Variants in FAM110B observed in about 807,000 individuals in gnomAD.
The protein encoded by FAM110B is protein FAM110B.
A neutral mutation model predicts 20.4 loss-of-function variants in FAM110B; 6 were observed. The ratio of observed to expected loss-of-function variants is 0.29; its 90% CI spans 0.16 to 0.58. The LOEUF is 0.58. Among genes scored for constraint, FAM110B ranks in the 20% least tolerant of loss-of-function variants. The pLI is 0.90. For synonymous variants in FAM110B, 226 were observed against 214.1 expected, an observed-to-expected ratio of 1.06 and a Z score of -0.49; for missense variants, 434 against 498.2, an observed-to-expected ratio of 0.87 and a Z score of 1.23.
At chr8:58,080,351 T>C (rs1358455789) in intron 3 of FAM110B, among the ~76,000 whole-genome samples, 1 of 152,188 alleles carries the variant, frequency 6.6e-6, no homozygotes, top group East Asian at 1.9e-4. Flanking sequence ...ATGAAAATCT[T>C]CAATCAGCTA....
rs73250488 is a variant in FAM110B, at chr8:57,996,114, A to T, written c.-512+1308A>T. Among the ~76,000 whole-genome samples the T allele has an allele frequency of 7.6e-3, 1,156 of 152,344 alleles. 12 individuals are homozygous for T. Among genetic ancestry groups the T allele is most frequent in the African/African-American group, 0.026 (1,092 of 41,574 alleles). On this transcript the variant is annotated intron_variant, in intron 1 of 3. Transcript: ENST00000519262. Reference sequence around the variant, plus strand: ...TTCAGGTAAGCTATTTATTAAGCATAGTTATTCTAGAATAAAGGTGAGTTA... The same window carrying T: ...TTCAGGTAAGCTATTTATTAAGCATTGTTATTCTAGAATAAAGGTGAGTTA...
rs1804973997 is a variant in FAM110B at position 58,032,084 on chromosome 8, T to G, written c.-414+381T>G. The G allele has an allele frequency of 2.6e-5, 4 of 152,416 alleles. No homozygotes were observed. In the South Asian group the frequency reaches 8.3e-4, roughly 32 times the overall value. The allele number at this position is 152,416 out of a possible 1,614,324, so 9.4% of individuals were successfully genotyped here. On this transcript the variant is annotated intron_variant, in intron 2 of 3. Coordinates refer to ENST00000519262, the MANE Select transcript of FAM110B (RefSeq NM_001377989.1). Reference sequence around the variant, plus strand: ...GCCATTGGTTTGGCTGAGGCTGATCTCGGCACCTGCCCCACCTTCACTATC... The same window carrying G: ...GCCATTGGTTTGGCTGAGGCTGATCGCGGCACCTGCCCCACCTTCACTATC...
At chr8:58,004,494 C>T (rs914579055) in intron 1 of FAM110B, among the ~76,000 whole-genome samples, 1 of 152,228 alleles carries the variant, frequency 6.6e-6, no homozygotes, top group African/African-American at 2.4e-5. Flanking sequence ...CCTGTAATCC[C>T]AGCACTTTGG....
rs561601007 is a variant in FAM110B, at chr8:58,116,003, T to C, written c.-324-29904T>C. On this transcript the variant is annotated intron_variant, in intron 3 of 3. Transcript: ENST00000519262. ...TGTTTAACAGGATATTTGTAAACTC[T>C]GTGTACCAGGTCCTGTTTTAGGCCC... Among the ~76,000 whole-genome samples, 7 of 152,298 alleles carry C rather than the reference T, an allele frequency of 4.6e-5. No individual in the cohort carries two copies. The South Asian group carries it at 6.2e-4, about 14-fold the overall frequency.
chr8:58,083,071 G>A lies in FAM110B; in HGVS notation c.-325+7448G>A, dbSNP rs138971143. ...GGAATTTAATAGACTGAAGTTTTTTGTACATATGAAGGAAAGTCACTGTAC... is the reference window on the plus strand; with the variant it reads ...GGAATTTAATAGACTGAAGTTTTTTATACATATGAAGGAAAGTCACTGTAC... On this transcript the variant is annotated intron_variant, in intron 3 of 3. Coordinates refer to ENST00000519262, the MANE Select transcript of FAM110B (RefSeq NM_001377989.1). Among the ~76,000 whole-genome samples, 323 of 150,526 alleles carry A rather than the reference G, an allele frequency of 2.1e-3. 1 individual carries two copies. Among genetic ancestry groups the A allele is most frequent in the African/African-American group, 7.7e-3 (316 of 41,062 alleles).
chr8:58,082,848 T>G (rs1311118674), intron 3 of FAM110B, among the ~76,000 whole-genome samples: 2 of 98,480 alleles, frequency 2.0e-5, no homozygotes, highest in African/African-American at 1.8e-4. Context: ...TTTTTTTTTG[T>G]TTTTTTTTTT....
At chr8:58,048,427 C>A (rs553929419) in intron 2 of FAM110B, among the ~76,000 whole-genome samples, 67 of 152,178 alleles carry the variant, frequency 4.4e-4, no homozygotes, top group African/African-American at 1.6e-3. Context: ...CAGGCCCCAA[C>A]CCTCCTGTCT....
intron 1 of FAM110B, among the ~76,000 whole-genome samples, chr8:58,005,396 A>G (rs143680437): frequency 1.3e-5 from 2 of 152,350 alleles, no homozygotes; most frequent in Non-Finnish European, 2.9e-5. Flanking sequence ...TAACAGGTAT[A>G]ATAACGAAAA....
chr8:58,103,619 A>G (rs916889588), intron 3 of FAM110B, among the ~76,000 whole-genome samples: 1 of 152,146 alleles, frequency 6.6e-6, no homozygotes, highest in Non-Finnish European at 1.5e-5. Context: ...CAGGAGGTGT[A>G]AGGTATAATA....
intron 1 of FAM110B, among the ~76,000 whole-genome samples, chr8:58,012,107 A>T (rs1385994773): frequency 6.6e-6 from 1 of 152,250 alleles, no homozygotes; most frequent in African/African-American, 2.4e-5. Context: ...AAGTAATTTG[A>T]TTAGAAAGAT....
At chr8:58,001,842 G>T (rs1804302859) in intron 1 of FAM110B, among the ~76,000 whole-genome samples, 1 of 152,090 alleles carries the variant, frequency 6.6e-6, no homozygotes. Context: ...CAGAGAACCA[G>T]AACCAATAGA....
rs1298994798 is a variant in FAM110B at position 58,092,727 on chromosome 8, A to T, written c.-325+17104A>T. ...ACATAATATGTGCATGTGTCTTTAT[A>T]GTAGAATGATTTATAATCTTTTGGG... is the stretch of plus-strand genomic sequence containing the variant. On this transcript the variant is annotated intron_variant, in intron 3 of 3. Coordinates refer to ENST00000519262, the MANE Select transcript of FAM110B (RefSeq NM_001377989.1). 2.6e-5 allele frequency among the ~76,000 whole-genome samples: 4 copies of T among 152,200 alleles called. No homozygotes were observed. In the East Asian group the frequency reaches 7.7e-4, roughly 29 times the overall value.
At chr8:58,140,571 C>T (rs1189020925) in intron 3 of FAM110B, among the ~76,000 whole-genome samples, 1 of 152,180 alleles carries the variant, frequency 6.6e-6, no homozygotes, top group Non-Finnish European at 1.5e-5. Context: ...ACACTTAATC[C>T]CCACTCATCC....
chr8:58,039,607 G>A (rs1231248113), intron 2 of FAM110B, among the ~76,000 whole-genome samples: 6 of 152,146 alleles, frequency 3.9e-5, no homozygotes, highest in East Asian at 1.9e-4. Flanking sequence ...GTTAGGAGCC[G>A]CTCCTATCTA....
At chr8:58,081,757 C>T (rs1032027522) in intron 3 of FAM110B, among the ~76,000 whole-genome samples, 5 of 152,014 alleles carry the variant, frequency 3.3e-5, no homozygotes, top group South Asian at 4.2e-4. Flanking sequence ...CTTTAGTGCC[C>T]GTTTCAAAAG....
At chr8:58,111,753 T>C (rs1251669505) in intron 3 of FAM110B, among the ~76,000 whole-genome samples, 4 of 152,204 alleles carry the variant, frequency 2.6e-5, no homozygotes, top group Admixed American at 6.5e-5. Context: ...GTCCCCCACG[T>C]GTGTGCAAAC....
intron 3 of FAM110B, among the ~76,000 whole-genome samples, chr8:58,082,906 G>T (rs1172397461): frequency 8.0e-5 from 12 of 150,068 alleles, no homozygotes; most frequent in Admixed American, 8.0e-4. Flanking sequence ...CTACTTGGGA[G>T]CCTGAGGCGA....
chr8:58,103,368 T>C (rs895485456), intron 3 of FAM110B, among the ~76,000 whole-genome samples: 4 of 138,214 alleles, frequency 2.9e-5, no homozygotes, highest in Admixed American at 1.6e-4. Context: ...TTCCCCTTCC[T>C]GTGTCCATGT....
At chr8:58,031,118 C>G (rs952224534) in intron 1 of FAM110B, among the ~76,000 whole-genome samples, 3 of 152,186 alleles carry the variant, frequency 2.0e-5, no homozygotes, top group African/African-American at 7.2e-5. Context: ...TGGGTCTGAA[C>G]TGCATTTGGA....
Sources: allele counts gnomAD v4.1 joint callset (sites outside exome capture counted in the v4.1 genomes callset), GRCh38; gene constraint gnomAD v4.1.1; transcripts MANE v1.5; gene names NCBI Gene and HGNC (gene_info 2026-07-23, HGNC 2026-07-21).